Variants in TJP1 observed in about 807,000 individuals in gnomAD.
TJP1 encodes tight junction protein 1.
A neutral mutation model predicts 194.2 loss-of-function variants in TJP1; 43 were observed. That is an observed-to-expected ratio of 0.22 (90% confidence interval 0.17 to 0.29). The LOEUF is 0.29. TJP1 is among the 10% of genes least tolerant of loss of function. The probability of loss-of-function intolerance (pLI) is 1.00; values close to 1 mark genes in which losing one functional copy is unlikely to be tolerated. For synonymous variants in TJP1, 801 were observed against 779.0 expected (o/e 1.03, Z -0.47); for missense variants, 1,971 against 2,185.7 (o/e 0.90, Z 1.96).
chr15:29,807,131 GGT>G (rs1199198235), intron 1 of TJP1, among the ~76,000 whole-genome samples: 2 of 152,104 alleles, frequency 1.3e-5, no homozygotes, highest in Non-Finnish European at 2.9e-5. Context: ...TCCATCCCTT[GGT>G]TAACAGTTTA....
chr15:29,711,088 A>T (rs985309181), intron 23 of TJP1, 88 bp from the exon 24 acceptor site: 265 of 817,104 alleles, frequency 3.2e-4, no homozygotes, highest in Non-Finnish European at 4.3e-4. Flanking sequence ...TCTCTAAGTT[A>T]AAAAAAAAAA....
At chr15:29,757,249 T>G (rs780269115) in intron 8 of TJP1, among the ~76,000 whole-genome samples, 4 of 152,220 alleles carry the variant, frequency 2.6e-5, no homozygotes, top group Non-Finnish European at 5.9e-5. Flanking sequence ...CCTAAAAATA[T>G]ACAAAAGTAT....
chr15:29,885,947 G>C (rs1027493666), intron 2 of TJP1, among the ~76,000 whole-genome samples: 3 of 152,196 alleles, frequency 2.0e-5, no homozygotes, highest in East Asian at 3.8e-4. Flanking sequence ...AAAAGAGAAG[G>C]GGGAAGAAGG....
intron 2 of TJP1, among the ~76,000 whole-genome samples, chr15:29,921,378 G>T (rs748569619): frequency 1.3e-5 from 2 of 152,140 alleles, no homozygotes; most frequent in Non-Finnish European, 2.9e-5. Context: ...ATTTCCCCGT[G>T]ACTTCTGGTG....
At chr15:29,932,953 TTATAAAA>T (rs1212759865) in intron 2 of TJP1, among the ~76,000 whole-genome samples, 1 of 152,190 alleles carries the variant, frequency 6.6e-6, no homozygotes, top group Non-Finnish European at 1.5e-5. Flanking sequence ...GTTTTTATGA[TTATAAAA>T]TAATGTGTAA....
chr15:29,952,580 C>T (rs989090768), intron 2 of TJP1, among the ~76,000 whole-genome samples: 4 of 151,814 alleles, frequency 2.6e-5, no homozygotes, highest in Non-Finnish European at 4.4e-5. Flanking sequence ...GCTCCACTTG[C>T]TATGTTTTTC....
At chr15:29,803,728 A>C (rs772480023) in intron 1 of TJP1, among the ~76,000 whole-genome samples, 2 of 152,164 alleles carry the variant, frequency 1.3e-5, no homozygotes, top group Non-Finnish European at 2.9e-5. Context: ...CTCCAGGAGG[A>C]GTGCAATAAG....
At chr15:29,770,425 C>A (rs1017559269) in intron 4 of TJP1, among the ~76,000 whole-genome samples, 1 of 146,796 alleles carries the variant, frequency 6.8e-6, no homozygotes, top group African/African-American at 2.5e-5. Flanking sequence ...AGAGCGAAAC[C>A]GTGTCTTAAA....
chr15:29,714,633 C>T lies in TJP1; in HGVS notation c.4202+1978G>A, dbSNP rs561918958. On this transcript the variant is annotated intron_variant, in intron 23 of 27. Transcript: ENST00000614355. ...TCGGCTCACTGCAAGCTCTGTCTCC[C>T]GGGTTCACGCCATTCTCCTGCCTCA... Among the ~76,000 whole-genome samples the T allele has an allele frequency of 2.8e-3, 415 of 149,572 alleles. 2 individuals are homozygous for T. The highest frequency in any genetic ancestry group is 4.5e-3 in the Non-Finnish European group (306 of 67,352).
At chr15:29,757,917 C>T (rs926766967) in intron 8 of TJP1, among the ~76,000 whole-genome samples, 2 of 152,186 alleles carry the variant, frequency 1.3e-5, no homozygotes, top group African/African-American at 4.8e-5. Context: ...AGACCAACCT[C>T]TCCTATTCCT....
At chr15:29,714,479 C>CAGCCTG (rs2042428778) in intron 23 of TJP1, among the ~76,000 whole-genome samples, 1 of 151,282 alleles carries the variant, frequency 6.6e-6, no homozygotes, top group Non-Finnish European at 1.5e-5. Flanking sequence ...ACCTCATGAT[C>CAGCCTG]CACCCACCTC....
Position 29,884,127 on chromosome 15 carries a change from T to C in TJP1, c.306+72105A>G, listed in dbSNP as rs145323239. ...TTTTCCTCCTATATTATGCAGCATG[T>C]GGTCATAATTTGTACTTGTTGCTGT... is the stretch of plus-strand genomic sequence containing the variant. On this transcript the variant is annotated intron_variant, in intron 2 of 28. Transcript: ENST00000356107. 2.2e-3 allele frequency among the ~76,000 whole-genome samples: 339 copies of C among 152,348 alleles called. 2 individuals carry two copies. Among genetic ancestry groups the C allele is most frequent in the African/African-American group, 7.8e-3 (325 of 41,588 alleles).
intron 2 of TJP1, among the ~76,000 whole-genome samples, chr15:29,870,431 G>A (rs923321806): frequency 1.3e-5 from 2 of 152,152 alleles, no homozygotes; most frequent in African/African-American, 2.4e-5. Context: ...CAGAGGAACC[G>A]GAGCAGACAA....
chr15:29,715,910 A>C (rs1278633204), intron 23 of TJP1, among the ~76,000 whole-genome samples: 1 of 152,176 alleles, frequency 6.6e-6, no homozygotes, highest in Non-Finnish European at 1.5e-5. Context: ...TGTTCTATTG[A>C]GGTATGAATC....
chr15:29,965,164 C>A (rs1466947712), intron 1 of TJP1, among the ~76,000 whole-genome samples: 1 of 151,462 alleles, frequency 6.6e-6, no homozygotes, highest in Admixed American at 6.6e-5. Context: ...ATGCCTTGAC[C>A]AGTTTTCATA....
At position 29,740,993 on chromosome 15, in the gene TJP1, T is replaced by C. The variant is rs977030835; in HGVS notation, c.1256+338A>G. 8.3e-5 allele frequency: 18 copies of C among 216,524 alleles called. No individual in the cohort carries two copies. In the East Asian group the frequency reaches 1.2e-3, roughly 14 times the overall value. The allele number at this position is 216,524 out of a possible 1,614,324, so 13.4% of individuals were successfully genotyped here. A position where few individuals can be genotyped will look rare whatever the true frequency, so the allele number is the denominator to read the frequency against. On this transcript the variant is annotated intron_variant, in intron 10 of 27. Coordinates refer to ENST00000614355, the MANE Select transcript of TJP1 (RefSeq NM_001330239.4). Reference sequence around the variant, plus strand: ...GCCCAAAATGCCACTAGTGCTGAGATTGAGAAACACTGATTTTTTTTTTTT... The same window carrying C: ...GCCCAAAATGCCACTAGTGCTGAGACTGAGAAACACTGATTTTTTTTTTTT...
At chr15:29,755,403 T>C (rs111769217) in intron 8 of TJP1, among the ~76,000 whole-genome samples, 2 of 152,298 alleles carry the variant, frequency 1.3e-5, no homozygotes, top group South Asian at 2.1e-4. Flanking sequence ...GTGGATTGTA[T>C]AGATAAGAGG....
chr15:29,912,406 T>C lies in TJP1; in HGVS notation c.306+43826A>G, dbSNP rs142291511. Among the ~76,000 whole-genome samples, 199 of 152,244 alleles carry C rather than the reference T, an allele frequency of 1.3e-3. 2 individuals carry two copies. The highest frequency in any genetic ancestry group is 4.6e-3 in the African/African-American group (192 of 41,536). On this transcript the variant is annotated intron_variant, in intron 2 of 28. Coordinates refer to the TJP1 transcript ENST00000356107. ...AATTGTAGTGAAAAACAGAAATATT[T>C]GTAGTCAAAGAGGTAGCTTGGGGCC...
rs532474586 is a variant in TJP1, at chr15:29,874,992, T to C, written c.307-74290A>G. Among the ~76,000 whole-genome samples the C allele has an allele frequency of 2.6e-5, 4 of 152,350 alleles. No homozygotes were observed. In the South Asian group the frequency reaches 6.2e-4, roughly 24 times the overall value. The stretch of plus-strand genomic sequence containing the variant: ...TTCTCTTCCTCATCAAAAAGAAGCA[T>C]GTATTGAACATCTGCCTGTGGCTAG... On this transcript the variant is annotated intron_variant, in intron 2 of 28. Transcript: ENST00000356107.
Sources: gnomAD v4.1 joint callset for allele counts (sites outside exome capture counted in the v4.1 genomes callset) on GRCh38, gnomAD v4.1.1 for gene constraint, MANE v1.5 for transcripts, NCBI Gene and HGNC (gene_info 2026-07-23, HGNC 2026-07-21) for gene names.